TNRC6A: variants seen among roughly 807,000 people sequenced by gnomAD.
The protein encoded by TNRC6A is trinucleotide repeat containing adaptor 6A.
Under a neutral mutation model 221.2 loss-of-function variants are expected in TNRC6A, and 44 were observed. The ratio of observed to expected loss-of-function variants is 0.20; its 90% confidence interval spans 0.16 to 0.26. The LOEUF is 0.26. Ranked by LOEUF, TNRC6A falls within the 10% of genes least tolerant of loss-of-function variation. TNRC6A has a pLI of 1.00. For missense variants in TNRC6A, 2,199 were observed against 2,404.4 expected (o/e 0.91, Z 1.79); for synonymous variants, 847 against 838.5 (o/e 1.01, Z -0.18).
intron 2 of TNRC6A, among the ~76,000 whole-genome samples, chr16:24,713,449 C>CAAACAA (rs1280363257): frequency 1.3e-5 from 1 of 77,828 alleles, no homozygotes; most frequent in Non-Finnish European, 2.6e-5. Context: ...AACAAACAAA[C>CAAACAA]AAAAAAATAT....
intron 1 of TNRC6A, among the ~76,000 whole-genome samples, chr16:24,627,697 C>CTTTTTTTTTTTTTTTTTTTTTT (rs57520356): frequency 2.0e-5 from 2 of 101,784 alleles, no homozygotes; most frequent in Non-Finnish European, 1.9e-5. Context: ...TCTTTTCTTG[C>CTTTTTTTTTTTTTTTTTTTTTT]TTTTTTTTTT....
intron 1 of TNRC6A, among the ~76,000 whole-genome samples, chr16:24,615,731 T>A (rs1276804353): frequency 3.9e-5 from 6 of 152,270 alleles, no homozygotes; most frequent in Admixed American, 3.9e-4. Context: ...CCAGAGCATG[T>A]GTTTCAAGTT....
chr16:24,776,609 G>A (rs985985545), intron 4 of TNRC6A: 31 of 985,284 alleles, frequency 3.1e-5, no homozygotes, highest in East Asian at 2.3e-4. Context: ...GAGTCATTGC[G>A]AGTTCCCTGG....
chr16:24,775,160 C>T (rs778451110), intron 4 of TNRC6A, among the ~76,000 whole-genome samples: 19 of 151,954 alleles, frequency 1.3e-4, no homozygotes, highest in Non-Finnish European at 2.1e-4. Flanking sequence ...ATGAGGTACA[C>T]GAAGGAATAT....
chr16:24,791,011 T>A lies in TNRC6A; in HGVS notation c.2369T>A (p.Leu790Gln), dbSNP rs1302836237. Residue 790 changes from leucine to glutamine, a missense_variant, in exon 6 of 25, where the codon CTG becomes CAG. Coordinates refer to ENST00000395799, the MANE Select transcript of TNRC6A (RefSeq NM_014494.4). ...VSGWGDPKPALRWGDSKGSNC... is the reference protein window; with the variant it reads ...VSGWGDPKPAQRWGDSKGSNC... Reference sequence around the variant, plus strand: ...GGGTGGGGCGATCCCAAACCTGCTCTGAGGTGGGGAGATTCCAAAGGCTCA... The same window carrying A: ...GGGTGGGGCGATCCCAAACCTGCTCAGAGGTGGGGAGATTCCAAAGGCTCA... 1.3e-6 allele frequency: 2 copies of A among 1,591,500 alleles called. No homozygotes were observed. Among genetic ancestry groups the A allele is most frequent in the Non-Finnish European group, 1.7e-6 (2 of 1,168,886 alleles).
At chr16:24,760,420 C>T (rs898109468) in intron 4 of TNRC6A, among the ~76,000 whole-genome samples, 2 of 151,992 alleles carry the variant, frequency 1.3e-5, no homozygotes, top group African/African-American at 2.4e-5. Flanking sequence ...AAAATATGAA[C>T]ATATTTAGTC....
intron 2 of TNRC6A, among the ~76,000 whole-genome samples, chr16:24,741,209 C>G: frequency 6.6e-6 from 1 of 152,218 alleles, no homozygotes; most frequent in East Asian, 1.9e-4. Context: ...GTGGCAAGAT[C>G]AGACATCCTT....
intron 2 of TNRC6A, among the ~76,000 whole-genome samples, chr16:24,686,928 G>A (rs772955832): frequency 6.6e-6 from 1 of 152,166 alleles, no homozygotes; most frequent in Non-Finnish European, 1.5e-5. Flanking sequence ...GTCTGCATTT[G>A]GAGTGGGACA....
At chr16:24,685,869 A>G (rs560308919) in intron 2 of TNRC6A, among the ~76,000 whole-genome samples, 4 of 152,324 alleles carry the variant, frequency 2.6e-5, no homozygotes, top group Middle Eastern at 3.4e-3. Flanking sequence ...TGTGCCTGAC[A>G]CAACAGTTGT....
chr16:24,813,534 G>A (rs1025440710), intron 18 of TNRC6A, among the ~76,000 whole-genome samples: 19 of 152,202 alleles, frequency 1.2e-4, no homozygotes, highest in Non-Finnish European at 2.4e-4. Context: ...GCCCTCTTGG[G>A]ATGTTTTGAG....
intron 2 of TNRC6A, among the ~76,000 whole-genome samples, chr16:24,659,015 C>T (rs969804796): frequency 2.0e-5 from 3 of 151,296 alleles, no homozygotes; most frequent in African/African-American, 7.3e-5. Context: ...TGCCATGTTG[C>T]CCAGGCTGGT....
intron 15 of TNRC6A, 58 bp downstream of exon 15, chr16:24,805,791 A>G: frequency 6.2e-7 from 1 of 1,607,562 alleles, no homozygotes; most frequent in Non-Finnish European, 8.5e-7. Context: ...CTGTATGCCA[A>G]ACACTAGACT....
At chr16:24,670,649 C>CA (rs1555487612) in intron 2 of TNRC6A, among the ~76,000 whole-genome samples, 1 of 152,160 alleles carries the variant, frequency 6.6e-6, no homozygotes, top group Non-Finnish European at 1.5e-5. Flanking sequence ...CACCTGTGCC[C>CA]TGCCCAGCCT....
In TNRC6A at chr16:24,777,362, A is replaced by G; in HGVS notation, c.589+4A>G. 6.2e-7 allele frequency: 1 copy of G among 1,603,406 alleles called. No homozygotes were observed. The highest frequency in any genetic ancestry group is 1.1e-5 in the South Asian group (1 of 90,950). On this transcript the variant is annotated splice_donor_region_variant and intron_variant, in intron 5 of 24. Transcript: ENST00000395799. ...CAGAACAGCAAAAACCAGTCAGGTG[A>G]GAGAAGGCATTTCTTACGAGACTCA...
chr16:24,810,048 G>A (rs2058511843), intron 18 of TNRC6A, among the ~76,000 whole-genome samples: 1 of 152,150 alleles, frequency 6.6e-6, no homozygotes, highest in South Asian at 2.1e-4. Flanking sequence ...CCTGACCTCA[G>A]GTGATCCATC....
rs1351154232 is a variant in TNRC6A at position 24,777,089 on chromosome 16, AGCAGCCACAGCAGCAGCCACAGCC to A, written c.327_350del (p.Pro113_Gln120del). ...CAGCAACAGCAGCAGCCGCAGCAGCAGCAGCCACAGCAGCAGCCACAGCCGCAGCCGCAGCAGCAGCAGCCACAG... is the reference window on the plus strand; with the variant it reads ...CAGCAACAGCAGCAGCCGCAGCAGCAGCAGCCGCAGCAGCAGCAGCCACAG... On this transcript the variant is annotated inframe_deletion, in exon 5 of 25. Coordinates refer to ENST00000395799, the MANE Select transcript of TNRC6A (RefSeq NM_014494.4). 4 of 1,609,122 alleles carry A rather than the reference AGCAGCCACAGCAGCAGCCACAGCC, an allele frequency of 2.5e-6. No homozygotes were observed. Among genetic ancestry groups the A allele is most frequent in the Non-Finnish European group, 3.4e-6 (4 of 1,177,326 alleles).
In TNRC6A at chr16:24,812,980, AC is replaced by A. The variant is rs199587465; in HGVS notation, c.4673-2160del. On this transcript the variant is annotated intron_variant, in intron 18 of 24. Transcript: ENST00000395799. Reference sequence around the variant, plus strand: ...AGCCTTGACCTCCCAGACTCAGATGACCCCCCCACCTCAGCCTCCCGAGCAG... The same window carrying A: ...AGCCTTGACCTCCCAGACTCAGATGACCCCCCACCTCAGCCTCCCGAGCAG... 4.6e-3 allele frequency among the ~76,000 whole-genome samples: 661 copies of A among 142,970 alleles called. 9 individuals are homozygous for A. The highest frequency in any genetic ancestry group is 0.017 in the African/African-American group (640 of 38,128). The allele number at this position is 142,970 out of a possible 152,430, so 93.8% of individuals were successfully genotyped here. A position where few individuals can be genotyped will look rare whatever the true frequency, so the allele number is the denominator to read the frequency against.
At chr16:24,703,849 C>T (rs1327439193) in intron 2 of TNRC6A, among the ~76,000 whole-genome samples, 1 of 151,790 alleles carries the variant, frequency 6.6e-6, no homozygotes, top group African/African-American at 2.4e-5. Flanking sequence ...TTTGGGAGGC[C>T]AAGGTGGACA....
chr16:24,790,243 G>A lies in TNRC6A; in HGVS notation c.1601G>A (p.Cys534Tyr). 2 of 1,614,198 alleles carry A rather than the reference G, an allele frequency of 1.2e-6. No individual in the cohort carries two copies. Among genetic ancestry groups the A allele is most frequent in the South Asian group, 1.1e-5 (1 of 91,088 alleles). Residue 534 changes from cysteine to tyrosine, a missense_variant, in exon 6 of 25, where the codon TGT (cysteine) becomes TAT (tyrosine). Around this residue, in one of 8 missense-constraint regions of TNRC6A, gnomAD observed 1,405 missense variants for 1,400.2 expected, o/e 1.00. Transcript: ENST00000395799. Reference sequence around the variant, plus strand: ...GGTTCTAATTACTCTGGAGACAAATGTTCAGGCCCTAATGGCCAAGCTAAT... The same window carrying A: ...GGTTCTAATTACTCTGGAGACAAATATTCAGGCCCTAATGGCCAAGCTAAT... ...AYGSNYSGDK[C>Y]SGPNGQANGD... is the part of the protein sequence containing the mutation.
Sources: allele counts gnomAD v4.1 joint callset (sites outside exome capture counted in the v4.1 genomes callset), GRCh38; gene constraint gnomAD v4.1.1; regional missense constraint gnomAD v4.1.1; transcripts MANE v1.5; gene names NCBI Gene and HGNC (gene_info 2026-07-23, HGNC 2026-07-21).